Variants in GUCY1A2 observed in about 807,000 individuals in gnomAD.
GUCY1A2 encodes the protein guanylate cyclase 1 soluble subunit alpha 2, also known as guanylate cyclase soluble subunit alpha-2.
GUCY1A2 carries 27 observed loss-of-function variants against 63.5 expected under a neutral mutation model. The ratio of observed to expected loss-of-function variants is 0.43; its 90% CI spans 0.31 to 0.59. GUCY1A2 has a LOEUF of 0.59. Among genes scored for constraint, GUCY1A2 ranks in the 20% least tolerant of loss-of-function variants. GUCY1A2 has a pLI of 0.11. For synonymous variants in GUCY1A2, 364 were observed against 343.5 expected (o/e 1.06, Z -0.66); for missense variants, 768 against 913.3 (o/e 0.84, Z 2.05).
rs548571001 is a variant in GUCY1A2 at position 106,821,260 on chromosome 11, TAAC to T, written c.1207-10785_1207-10783del. ...TTTAGAGTCTTTATTCAATTTTACT[TAAC>T]AAGCATTAAATTTTATGCTATGTGG... is the stretch of plus-strand genomic sequence containing the variant. On this transcript the variant is annotated intron_variant, in intron 4 of 7. Transcript: ENST00000526355. Among the ~76,000 whole-genome samples the T allele has an allele frequency of 2.8e-3, 431 of 152,326 alleles. 3 individuals carry two copies. Among genetic ancestry groups the T allele is most frequent in the Middle Eastern group, 6.8e-3 (2 of 292 alleles).
At position 106,775,632 on chromosome 11, in the gene GUCY1A2, C is replaced by T. The variant is rs985846245; in HGVS notation, c.1836+807G>A. Among the ~76,000 whole-genome samples the T allele has an allele frequency of 9.2e-5, 14 of 152,176 alleles. No individual in the cohort carries two copies. In the South Asian group the frequency reaches 2.3e-3, roughly 25 times the overall value. The stretch of plus-strand genomic sequence containing the variant: ...AATCAGATGGATTGTTCAGTGTCCC[C>T]AATCTGCTATAATGCCAGAACTAGA... On this transcript the variant is annotated intron_variant, in intron 6 of 7. Coordinates refer to ENST00000526355, the MANE Select transcript of GUCY1A2 (RefSeq NM_000855.3).
chr11:106,718,954 G>T (rs1310045857), intron 6 of GUCY1A2, among the ~76,000 whole-genome samples: 1 of 152,070 alleles, frequency 6.6e-6, no homozygotes, highest in African/African-American at 2.4e-5. Flanking sequence ...ACCTTTCTCT[G>T]ACATCCAGTC....
intron 1 of GUCY1A2, among the ~76,000 whole-genome samples, chr11:107,001,040 T>C (rs1002985123): frequency 4.6e-5 from 7 of 152,196 alleles, no homozygotes; most frequent in African/African-American, 1.7e-4. Context: ...CAATGACAGG[T>C]TTTTCTTAAA....
At chr11:106,805,562 G>C (rs2135421546) in intron 5 of GUCY1A2, among the ~76,000 whole-genome samples, 1 of 152,192 alleles carries the variant, frequency 6.6e-6, no homozygotes, top group Middle Eastern at 3.4e-3. Context: ...AACATTTTTA[G>C]AGTTACCTGG....
intron 4 of GUCY1A2, among the ~76,000 whole-genome samples, chr11:106,856,991 T>C (rs1859445440): frequency 6.6e-6 from 1 of 152,228 alleles, no homozygotes; most frequent in South Asian, 2.1e-4. Context: ...TCCCTTAAAA[T>C]GGACTATATC....
chr11:106,888,589 C>T (rs1389609713), intron 4 of GUCY1A2, among the ~76,000 whole-genome samples: 1 of 152,170 alleles, frequency 6.6e-6, no homozygotes, highest in Admixed American at 6.5e-5. Context: ...CCCTTGCTTT[C>T]TGGTTTCTTT....
At chr11:106,895,785 CA>C (rs1860039117) in intron 4 of GUCY1A2, among the ~76,000 whole-genome samples, 1 of 151,926 alleles carries the variant, frequency 6.6e-6, no homozygotes, top group South Asian at 2.1e-4. Context: ...CAAAACCAGA[CA>C]AAGACATTAC....
At chr11:106,975,390 C>T (rs1861249221) in intron 3 of GUCY1A2, among the ~76,000 whole-genome samples, 1 of 152,102 alleles carries the variant, frequency 6.6e-6, no homozygotes, top group Admixed American at 6.6e-5. Flanking sequence ...TAAAAATAGG[C>T]TTTGCAGATT....
intron 5 of GUCY1A2, among the ~76,000 whole-genome samples, chr11:106,793,755 C>T (rs1864704170): frequency 6.6e-6 from 1 of 151,922 alleles, no homozygotes; most frequent in Non-Finnish European, 1.5e-5. Flanking sequence ...TGAAACAGCT[C>T]AAAATTAGTA....
rs751817432 is a variant in GUCY1A2 at position 106,896,270 on chromosome 11, G to A, written c.1206+43190C>T. Reference sequence around the variant, plus strand: ...TAAAAAGCATCTGACAAAATCCAACGTCAATTAAATCTCTCAGTAAACTAG... The same window carrying A: ...TAAAAAGCATCTGACAAAATCCAACATCAATTAAATCTCTCAGTAAACTAG... On this transcript the variant is annotated intron_variant, in intron 4 of 7. Coordinates refer to ENST00000526355, the MANE Select transcript of GUCY1A2 (RefSeq NM_000855.3). Among the ~76,000 whole-genome samples the A allele has an allele frequency of 7.2e-5, 11 of 151,820 alleles. 1 individual carries two copies. Among genetic ancestry groups the A allele is most frequent in the South Asian group, 2.1e-4 (1 of 4,808 alleles).
intron 1 of GUCY1A2, among the ~76,000 whole-genome samples, chr11:107,007,498 A>AT (rs1861686561): frequency 2.0e-5 from 3 of 152,200 alleles, no homozygotes; most frequent in Non-Finnish European, 4.4e-5. Flanking sequence ...CCTCAAGCTC[A>AT]ATCTGACATA....
chr11:106,979,057 T>C (rs1034926846), intron 2 of GUCY1A2, among the ~76,000 whole-genome samples: 2 of 152,230 alleles, frequency 1.3e-5, no homozygotes, highest in African/African-American at 4.8e-5. Context: ...TCTGTTTCTA[T>C]AAGGAAGCTG....
intron 4 of GUCY1A2, among the ~76,000 whole-genome samples, chr11:106,871,646 C>T (rs1859679615): frequency 6.6e-6 from 1 of 152,012 alleles, no homozygotes; most frequent in African/African-American, 2.4e-5. Context: ...TTATAACTGC[C>T]AAAAGCTTAT....
chr11:106,763,911 G>A (rs949894175), intron 6 of GUCY1A2, among the ~76,000 whole-genome samples: 1 of 152,008 alleles, frequency 6.6e-6, no homozygotes, highest in African/African-American at 2.4e-5. Flanking sequence ...GATACCATCT[G>A]GAAGATAATA....
At chr11:106,811,861 A>G (rs1858766220) in intron 4 of GUCY1A2, among the ~76,000 whole-genome samples, 1 of 152,046 alleles carries the variant, frequency 6.6e-6, no homozygotes, top group South Asian at 2.1e-4. Flanking sequence ...AAGGATAGAA[A>G]GATAAAATAC....
chr11:106,756,640 A>C (rs1335374236), intron 6 of GUCY1A2, among the ~76,000 whole-genome samples: 1 of 152,134 alleles, frequency 6.6e-6, no homozygotes, highest in Non-Finnish European at 1.5e-5. Flanking sequence ...TTCTGGGTTG[A>C]AAATTCTTTT....
intron 4 of GUCY1A2, among the ~76,000 whole-genome samples, chr11:106,900,498 G>A (rs541638238): frequency 1.1e-4 from 17 of 152,286 alleles, no homozygotes; most frequent in Admixed American, 8.5e-4. Flanking sequence ...ACATAATTGC[G>A]TGGGCCAATT....
intron 6 of GUCY1A2, among the ~76,000 whole-genome samples, chr11:106,771,220 G>A (rs573301373): frequency 6.6e-6 from 1 of 152,072 alleles, no homozygotes; most frequent in African/African-American, 2.4e-5. Flanking sequence ...GTTTTTTAAA[G>A]AAAGAATAAG....
At chr11:107,016,311 G>A (rs1565361258) in intron 1 of GUCY1A2, among the ~76,000 whole-genome samples, 1 of 152,248 alleles carries the variant, frequency 6.6e-6, no homozygotes, top group Non-Finnish European at 1.5e-5. Flanking sequence ...TCCAAGGTCA[G>A]GGTGAGCATA....
Sources: gnomAD v4.1 joint callset for allele counts (sites outside exome capture counted in the v4.1 genomes callset) on GRCh38, gnomAD v4.1.1 for gene constraint, MANE v1.5 for transcripts, NCBI Gene and HGNC (gene_info 2026-07-23, HGNC 2026-07-21) for gene names.